PSG3: variants seen among roughly 807,000 people sequenced by gnomAD.
The protein encoded by PSG3 is pregnancy-specific beta-1-glycoprotein 3.
In PSG3, 61 loss-of-function variants were observed where a neutral mutation model predicts 47.5. That is an observed-to-expected ratio of 1.28 (90% CI 1.05 to 1.59). The LOEUF (loss-of-function observed/expected upper bound fraction) is 1.59. PSG3 is among the 40% of genes most tolerant of loss of function. The pLI is 0.00. For synonymous variants in PSG3, 263 were observed against 198.4 expected (o/e 1.33, Z -2.74); for missense variants, 756 against 524.0 (o/e 1.44, Z -4.32).
At chr19:42,730,223 A>G (rs574153662) in intron 3 of PSG3, among the ~76,000 whole-genome samples, 167 bp from the exon 4 acceptor site, 2 of 152,326 alleles carry the variant, frequency 1.3e-5, no homozygotes, top group East Asian at 3.9e-4. Context: ...CTAAGGGCTC[A>G]AAGACTGTGA....
chr19:42,728,897 C>T (rs1969417690), intron 5 of PSG3, among the ~76,000 whole-genome samples: 2 of 152,270 alleles, frequency 1.3e-5, no homozygotes, highest in South Asian at 4.1e-4. Flanking sequence ...ATAAAGCCCG[C>T]TCCGTACCTT....
At chr19:42,726,989 AAATG>A (rs1052452700) in intron 5 of PSG3, among the ~76,000 whole-genome samples, 4 of 152,224 alleles carry the variant, frequency 2.6e-5, no homozygotes, top group African/African-American at 9.6e-5. Context: ...ATATATGGCC[AAATG>A]ATTTTCATCG....
In PSG3 at chr19:42,726,911, C is replaced by G. The variant is rs543063308; in HGVS notation, c.1243+2212G>C. On this transcript the variant is annotated intron_variant, in intron 5 of 6. Transcript: ENST00000327495. ...CTACAAAGCCCCAGTAATCAATACA[C>G]TGTGGTACTGGCATAAAGGAGGACA... Among the ~76,000 whole-genome samples the G allele has an allele frequency of 2.7e-4, 41 of 152,322 alleles. No homozygotes were observed. In the East Asian group the frequency reaches 4.0e-3, roughly 15 times the overall value.
chr19:42,729,101 A>G (rs770557934), intron 5 of PSG3, 22 bp downstream of exon 5: 2 of 1,613,770 alleles, frequency 1.2e-6, no homozygotes, highest in African/African-American at 2.7e-5. Flanking sequence ...CTCTATTGCC[A>G]AGCATGCTGG....
chr19:42,725,073 G>A (rs1969355103), intron 5 of PSG3, among the ~76,000 whole-genome samples: 1 of 152,160 alleles, frequency 6.6e-6, no homozygotes, highest in Admixed American at 6.5e-5. Flanking sequence ...GCTAGTGACA[G>A]GTGGATCTGA....
chr19:42,734,249 T>C (rs1000391721), intron 2 of PSG3: 1 of 152,174 alleles, frequency 6.6e-6, no homozygotes, highest in Non-Finnish European at 1.5e-5. Flanking sequence ...AAACCAAGTG[T>C]TTTGGATTTC....
intron 6 of PSG3, among the ~76,000 whole-genome samples, chr19:42,723,187 G>A (rs1426761409): frequency 6.6e-6 from 1 of 152,174 alleles, no homozygotes; most frequent in Non-Finnish European, 1.5e-5. Context: ...CCACACATAG[G>A]TTGTGTTCTG....
chr19:42,729,115 C>G lies in PSG3; in HGVS notation c.1243+8G>C, dbSNP rs760590967. ...ACTCTATTGCCAAGCATGCTGGGAT[C>G]CACTTACCAGAGACTTTGACTGTCA... On this transcript the variant is annotated splice_region_variant and intron_variant, in intron 5 of 6. Coordinates refer to ENST00000327495, the MANE Select transcript of PSG3 (RefSeq NM_021016.4). 3.1e-6 allele frequency: 5 copies of G among 1,613,942 alleles called. No individual in the cohort carries two copies. Among genetic ancestry groups the G allele is most frequent in the Non-Finnish European group, 3.4e-6 (4 of 1,179,854 alleles).
chr19:42,725,861 C>T (rs1233868819), intron 5 of PSG3, among the ~76,000 whole-genome samples: 2 of 142,118 alleles, frequency 1.4e-5, no homozygotes, highest in African/African-American at 2.8e-5. Flanking sequence ...AGAGTGAGAG[C>T]CTGTCTCTCT....
rs1209571559 is a variant in PSG3, at chr19:42,729,629, A to G, written c.988+149T>C. ...CTTGGTTAAGGCTGTGCCTACCCAG[A>G]TCTTCCCAGGGCAGGAAGTTATGGC... On this transcript the variant is annotated intron_variant, in intron 4 of 6. Transcript: ENST00000327495. 6.6e-6 allele frequency: 10 copies of G among 1,515,756 alleles called. No individual in the cohort carries two copies. The East Asian group carries it at 1.1e-4, about 17-fold the overall frequency. 93.9% of individuals were successfully genotyped at this position (1,515,756 alleles called of 1,614,324 possible).
At chr19:42,734,204 C>T (rs1318628888) in intron 2 of PSG3, 1 of 152,140 alleles carries the variant, frequency 6.6e-6, no homozygotes. Flanking sequence ...GCCTATAGTT[C>T]ATACAGATAA....
In PSG3 at chr19:42,732,910, A is replaced by T. The variant is rs397832563; in HGVS notation, c.583T>A (p.Leu195Met). 1 of 1,614,112 alleles carries T rather than the reference A, an allele frequency of 6.2e-7. No homozygotes were observed. The highest frequency in any genetic ancestry group is 8.5e-7 in the Non-Finnish European group (1 of 1,179,988). ...QSLPMTHSLQ[L>M]SKNKRTLFLF... ...AAGAGGGTCCTTTTGTTTTTGGACA[A>T]CTGCAAGCTGTGAGTCATAGGGAGG... The change falls in exon 3 of 7, where the codon TTG becomes ATG. Residue 195 changes from leucine (L) to methionine (M), a missense_variant. Leu to Met is a conservative substitution (Grantham distance 15). Coordinates refer to ENST00000327495, the MANE Select transcript of PSG3 (RefSeq NM_021016.4).
chr19:42,728,148 C>T (rs183904480), intron 5 of PSG3, among the ~76,000 whole-genome samples: 1 of 152,044 alleles, frequency 6.6e-6, no homozygotes, highest in South Asian at 2.1e-4. Context: ...TGTTTATTGG[C>T]TACAGAGGTT....
intron 3 of PSG3, among the ~76,000 whole-genome samples, chr19:42,730,842 G>C (rs1220390452): frequency 6.6e-6 from 1 of 152,338 alleles, no homozygotes; most frequent in Non-Finnish European, 1.5e-5. Flanking sequence ...GGACCATGTG[G>C]ATCTTTCCAG....
chr19:42,728,395 C>T (rs1349640968), intron 5 of PSG3, among the ~76,000 whole-genome samples: 2 of 152,214 alleles, frequency 1.3e-5, no homozygotes, highest in Non-Finnish European at 2.9e-5. Flanking sequence ...GTCCTCCGTG[C>T]TGTGTCCCAG....
chr19:42,725,864 G>A (rs1368274918), intron 5 of PSG3, among the ~76,000 whole-genome samples: 2 of 126,256 alleles, frequency 1.6e-5, no homozygotes, highest in African/African-American at 3.3e-5. Context: ...GTGAGAGCCT[G>A]TCTCTCTCTC....
intron 1 of PSG3, 78 bp from the exon 2 acceptor site, chr19:42,739,167 A>C (rs1038493950): frequency 3.2e-5 from 48 of 1,491,620 alleles, no homozygotes; most frequent in Non-Finnish European, 4.4e-5. Flanking sequence ...GGTCCTGAGA[A>C]GGTCTCTTCA....
chr19:42,724,140 G>A (rs73932790), intron 5 of PSG3, 115 bp from the exon 6 acceptor site: 21,191 of 1,424,424 alleles, frequency 0.015, 847 homozygotes, highest in African/African-American at 0.14. Flanking sequence ...CAAGGACTAC[G>A]TTATTTCTGT....
At chr19:42,737,807 G>A (rs767606044) in intron 2 of PSG3, among the ~76,000 whole-genome samples, 8 of 152,124 alleles carry the variant, frequency 5.3e-5, no homozygotes, top group Non-Finnish European at 1.0e-4. Context: ...GGCTTCCTGT[G>A]CCTCAGTTTT....
Sources: allele counts gnomAD v4.1 joint callset (sites outside exome capture counted in the v4.1 genomes callset), GRCh38; gene constraint gnomAD v4.1.1; transcripts MANE v1.5; gene names NCBI Gene and HGNC (gene_info 2026-07-23, HGNC 2026-07-21).